The following WDR31 variants were observed in gnomAD, a reference collection of about 807,000 sequenced individuals.
The protein encoded by WDR31 is WD repeat-containing protein 31.
In WDR31, 30 loss-of-function variants were observed where a neutral mutation model predicts 47.3. The observed-to-expected ratio is 0.63, with a 90% CI of 0.47 to 0.86. The LOEUF is 0.86. Among genes scored for constraint, WDR31 ranks in the 40% least tolerant of loss-of-function variants. WDR31 has a pLI of 0.00. For missense variants in WDR31, 406 were observed against 442.9 expected, an observed-to-expected ratio of 0.92 and a Z score of 0.75; for synonymous variants, 137 against 159.4, an observed-to-expected ratio of 0.86 and a Z score of 1.06.
At chr9:113,317,981 C>A (rs1322524841) in intron 10 of WDR31, among the ~76,000 whole-genome samples, 9 of 152,224 alleles carry the variant, frequency 5.9e-5, no homozygotes, top group Admixed American at 5.9e-4. Flanking sequence ...CCAGCAGATC[C>A]AGGACTCTGG....
Position 113,334,211 on chromosome 9 carries a change from C to T in WDR31, c.-29+2077G>A, listed in dbSNP as rs548583693. Reference sequence around the variant, plus strand: ...TGTAGAGACGGGGTTTCGCCAACTCCTGGGCTCAAGCAATCCACGTGCCTT... The same window carrying T: ...TGTAGAGACGGGGTTTCGCCAACTCTTGGGCTCAAGCAATCCACGTGCCTT... On this transcript the variant is annotated intron_variant, in intron 2 of 10. Coordinates refer to ENST00000374193, the MANE Select transcript of WDR31 (RefSeq NM_001012361.4). Among the ~76,000 whole-genome samples, 25 of 152,056 alleles carry T rather than the reference C, an allele frequency of 1.6e-4. No individual in the cohort carries two copies. The South Asian group carries it at 5.0e-3, about 30-fold the overall frequency.
intron 4 of WDR31, among the ~76,000 whole-genome samples, chr9:113,330,164 G>A (rs1183876463): frequency 6.6e-6 from 1 of 151,898 alleles, no homozygotes; most frequent in African/African-American, 2.4e-5. Flanking sequence ...ACAGTGGCCC[G>A]ATCTCGGCTT....
intron 5 of WDR31, among the ~76,000 whole-genome samples, chr9:113,325,278 G>A (rs1833437425): frequency 1.3e-5 from 2 of 152,110 alleles, no homozygotes; most frequent in Admixed American, 1.3e-4. Context: ...TTTAAACAAT[G>A]TACAGGTGGC....
intron 2 of WDR31, among the ~76,000 whole-genome samples, chr9:113,335,625 C>T (rs1350930561): frequency 6.6e-6 from 1 of 152,128 alleles, no homozygotes; most frequent in Non-Finnish European, 1.5e-5. Context: ...GAATTTCAGC[C>T]TACATTTTGA....
At chr9:113,327,178 T>C (rs1259696552) in intron 5 of WDR31, among the ~76,000 whole-genome samples, 7 of 152,196 alleles carry the variant, frequency 4.6e-5, no homozygotes, top group Non-Finnish European at 2.9e-5. Context: ...GTACATGTTC[T>C]CTTAATTTAT....
intron 5 of WDR31, among the ~76,000 whole-genome samples, chr9:113,328,584 C>A (rs565015852): frequency 5.9e-5 from 9 of 152,308 alleles, no homozygotes; most frequent in Non-Finnish European, 1.2e-4. Flanking sequence ...TAAGCCCAAG[C>A]CTTCAGTACA....
At chr9:113,318,001 T>G (rs1408517250) in intron 10 of WDR31, among the ~76,000 whole-genome samples, 1 of 152,228 alleles carries the variant, frequency 6.6e-6, no homozygotes, top group African/African-American at 2.4e-5. Context: ...GGGAGCTGGG[T>G]TGCATAAGAC....
chr9:113,331,362 C>T (rs1443323564), intron 3 of WDR31, among the ~76,000 whole-genome samples: 1 of 152,142 alleles, frequency 6.6e-6, no homozygotes, highest in Non-Finnish European at 1.5e-5. Flanking sequence ...GCCAAGAAGC[C>T]AGGAGTCTTT....
rs144785948 is a variant in WDR31, at chr9:113,331,956, C to T, written c.67G>A (p.Val23Met). 367 of 1,613,844 alleles carry T rather than the reference C, an allele frequency of 2.3e-4. No homozygotes were observed. The highest frequency in any genetic ancestry group is 6.6e-4 in the Middle Eastern group (4 of 6,084). The change falls in exon 3 of 11, where the codon GTG (valine) becomes ATG (methionine). Residue 23 changes from valine (V) to methionine (M), a missense_variant. Physicochemically the swap from Val to Met is conservative, Grantham distance 21. Transcript: ENST00000374193. ...PQKVSFRFCV[V>M]MGKQQSKLKH... ...AGTTTGCTTTGCTGTTTCCCCATCA[C>T]GACACAAAACCTAAACGAAACCTTC...
intron 9 of WDR31, among the ~76,000 whole-genome samples, chr9:113,319,714 G>A (rs1833283447): frequency 6.6e-6 from 1 of 152,132 alleles, no homozygotes; most frequent in Non-Finnish European, 1.5e-5. Flanking sequence ...AGTAGGCCCT[G>A]GACCAACACT....
intron 2 of WDR31, among the ~76,000 whole-genome samples, chr9:113,334,415 A>T: frequency 6.6e-6 from 1 of 152,218 alleles, no homozygotes; most frequent in Middle Eastern, 3.2e-3. Flanking sequence ...TTGGTTTTGG[A>T]AAGTATATTT....
intron 5 of WDR31, 79 bp downstream of exon 5, chr9:113,328,798 TTCAA>T: frequency 5.7e-6 from 7 of 1,217,812 alleles, no homozygotes; most frequent in Non-Finnish European, 8.4e-6. Flanking sequence ...AGACCAAAGA[TTCAA>T]TCACTCTTAA....
chr9:113,339,554 G>A (rs1833785286), intron 1 of WDR31, among the ~76,000 whole-genome samples: 1 of 152,148 alleles, frequency 6.6e-6, no homozygotes, highest in African/African-American at 2.4e-5. Flanking sequence ...AGGGGAAACC[G>A]AGGCCCAGGG....
chr9:113,335,921 A>G, intron 2 of WDR31, among the ~76,000 whole-genome samples: 1 of 152,258 alleles, frequency 6.6e-6, no homozygotes, highest in Non-Finnish European at 1.5e-5. Context: ...GTACTGTACA[A>G]CAAAAATACT....
intron 5 of WDR31, 49 bp from the exon 6 acceptor site, chr9:113,323,204 T>A (rs771208297): frequency 2.0e-5 from 32 of 1,576,408 alleles, no homozygotes; most frequent in South Asian, 2.0e-4. Flanking sequence ...GTATGCTAGT[T>A]GGACTGGACT....
intron 1 of WDR31, among the ~76,000 whole-genome samples, chr9:113,339,527 C>A (rs919259900): frequency 1.3e-5 from 2 of 152,086 alleles, no homozygotes; most frequent in Admixed American, 1.3e-4. Context: ...CTGGTTCGAC[C>A]CTCTAATGGT....
In WDR31 at chr9:113,334,492, T is replaced by A. The variant is rs537369982; in HGVS notation, c.-29+1796A>T. ...TTATTGCTATTTCAAAATTAATAAG[T>A]AAATGTCTTTAAAATTTGTTTTTTA... is the stretch of plus-strand genomic sequence containing the variant. On this transcript the variant is annotated intron_variant, in intron 2 of 10. Transcript: ENST00000374193. 1.9e-3 allele frequency among the ~76,000 whole-genome samples: 294 copies of A among 152,190 alleles called. 1 individual carries two copies. The Middle Eastern group carries it at 0.02, about 11-fold the overall frequency.
intron 5 of WDR31, among the ~76,000 whole-genome samples, chr9:113,324,287 A>G (rs1833402317): frequency 6.6e-6 from 1 of 152,076 alleles, no homozygotes. Flanking sequence ...GGTACCTCAA[A>G]TAAGCAGAAT....
chr9:113,329,531 T>G (rs558179119), intron 4 of WDR31, among the ~76,000 whole-genome samples: 1 of 151,082 alleles, frequency 6.6e-6, no homozygotes, highest in African/African-American at 2.4e-5. Flanking sequence ...TCCCAGCTAC[T>G]AAGGAGGCTG....
Sources: gnomAD v4.1 joint callset for allele counts (sites outside exome capture counted in the v4.1 genomes callset) on GRCh38, gnomAD v4.1.1 for gene constraint, MANE v1.5 for transcripts, NCBI Gene and HGNC (gene_info 2026-07-23, HGNC 2026-07-21) for gene names.